The following SLC24A3 variants were observed in gnomAD, a reference collection of about 807,000 sequenced individuals.
SLC24A3 encodes the protein sodium/potassium/calcium exchanger 3.
A neutral mutation model predicts 75.8 loss-of-function variants in SLC24A3; 28 were observed. That is an observed-to-expected ratio of 0.37 (90% confidence interval 0.27 to 0.51). The LOEUF (loss-of-function observed/expected upper bound fraction) is 0.51, where lower values mean the gene tolerates loss of function less well. Among genes scored for constraint, SLC24A3 ranks in the 20% least tolerant of loss-of-function variants. The pLI is 0.94. For synonymous variants in SLC24A3, 372 were observed against 334.1 expected (o/e 1.11, Z -1.24); for missense variants, 663 against 847.8 (o/e 0.78, Z 2.71).
chr20:19,393,192 A>G (rs767949298), intron 2 of SLC24A3, among the ~76,000 whole-genome samples: 1 of 152,218 alleles, frequency 6.6e-6, no homozygotes, highest in Non-Finnish European at 1.5e-5. Flanking sequence ...ACTGATACCC[A>G]TAGCCTGACA....
At position 19,609,528 on chromosome 20, in the gene SLC24A3, G is replaced by A. The variant is rs570128573; in HGVS notation, c.612+23984G>A. 1.4e-3 allele frequency among the ~76,000 whole-genome samples: 211 copies of A among 151,950 alleles called. 1 individual carries two copies. The highest frequency in any genetic ancestry group is 2.2e-3 in the Non-Finnish European group (152 of 67,984). ...ACCTGTCATCTAGGTTTTAAGCCCC[G>A]CATGCATTAGGTATTTGTCCTAATG... On this transcript the variant is annotated intron_variant, in intron 6 of 16. Coordinates refer to ENST00000328041, the MANE Select transcript of SLC24A3 (RefSeq NM_020689.4).
At chr20:19,622,985 A>T (rs566560902) in intron 6 of SLC24A3, among the ~76,000 whole-genome samples, 70 of 152,304 alleles carry the variant, frequency 4.6e-4, no homozygotes, top group South Asian at 3.5e-3. Context: ...CTCACTCATT[A>T]TTGGGGGTGG....
intron 1 of SLC24A3, among the ~76,000 whole-genome samples, chr20:19,238,779 CAAGACACACCG>C (rs1311834476): frequency 1.3e-5 from 2 of 152,188 alleles, no homozygotes; most frequent in Non-Finnish European, 2.9e-5. Flanking sequence ...GATGGCCAGA[CAAGACACACCG>C]AAGACACACC....
rs144816265 is a variant in SLC24A3, at chr20:19,684,214, G to A, written c.940G>A (p.Glu314Lys). 13 of 1,614,044 alleles carry A rather than the reference G, an allele frequency of 8.1e-6. No individual in the cohort carries two copies. The highest frequency in any genetic ancestry group is 1.1e-5 in the South Asian group (1 of 91,066). ...CAAAGCATCAGTGATCATGGTAGACGAGCTGCTGTCAGCCTACCCACACCA... is the reference window on the plus strand; with the variant it reads ...CAAAGCATCAGTGATCATGGTAGACAAGCTGCTGTCAGCCTACCCACACCA... ...HRKASVIMVDELLSAYPHQLS... is the reference protein window; with the variant it reads ...HRKASVIMVDKLLSAYPHQLS... The change falls in exon 11 of 17, where the codon GAG becomes AAG. Residue 314 changes from glutamate to lysine, a missense_variant. Transcript: ENST00000328041.
chr20:19,674,973 C>T (rs2032507191), intron 9 of SLC24A3, among the ~76,000 whole-genome samples: 2 of 152,162 alleles, frequency 1.3e-5, no homozygotes, highest in Non-Finnish European at 2.9e-5. Context: ...TCGCTGGAAC[C>T]CGGGAGGCAG....
Position 19,696,666 on chromosome 20 carries a change from A to G in SLC24A3, c.1492-131A>G, listed in dbSNP as rs1019030538. The G allele has an allele frequency of 9.4e-6, 6 of 640,050 alleles. No homozygotes were observed. In the African/African-American group the frequency reaches 1.1e-4, roughly 11 times the overall value. The allele number at this position is 640,050 out of a possible 1,614,324, so 39.6% of individuals were successfully genotyped here. The stretch of plus-strand genomic sequence containing the variant: ...AGTGTTTGTCACCCTCTGTATTGAT[A>G]CAGAGAGCAGACATTGCACCCCACA... On this transcript the variant is annotated intron_variant, in intron 13 of 16. Transcript: ENST00000328041.
At chr20:19,558,522 A>G (rs1450722196) in intron 3 of SLC24A3, among the ~76,000 whole-genome samples, 1 of 152,154 alleles carries the variant, frequency 6.6e-6, no homozygotes, top group African/African-American at 2.4e-5. Context: ...AAGATCCCAC[A>G]GTGCATTTGG....
intron 1 of SLC24A3, among the ~76,000 whole-genome samples, chr20:19,218,468 C>T (rs531081099): frequency 7.1e-4 from 108 of 152,276 alleles, no homozygotes; most frequent in African/African-American, 2.2e-3. Context: ...GAATAGAAGA[C>T]GGGGAATCAC....
At chr20:19,555,945 T>G (rs1008460995) in intron 3 of SLC24A3, among the ~76,000 whole-genome samples, 2 of 152,112 alleles carry the variant, frequency 1.3e-5, no homozygotes, top group African/African-American at 4.8e-5. Flanking sequence ...CCACAGAAAT[T>G]TATTTCTCAC....
chr20:19,459,226 T>A (rs1987630177), intron 2 of SLC24A3, among the ~76,000 whole-genome samples: 1 of 152,240 alleles, frequency 6.6e-6, no homozygotes, highest in African/African-American at 2.4e-5. Context: ...TAAAGAGATA[T>A]TTAGCATAAC....
At chr20:19,553,959 G>A (rs2030743667) in intron 3 of SLC24A3, among the ~76,000 whole-genome samples, 1 of 152,132 alleles carries the variant, frequency 6.6e-6, no homozygotes, top group Admixed American at 6.5e-5. Context: ...TCAAAAGGAG[G>A]AAAACGATTC....
intron 3 of SLC24A3, among the ~76,000 whole-genome samples, chr20:19,569,253 T>A (rs756279953): frequency 2.6e-5 from 4 of 152,248 alleles, no homozygotes; most frequent in Non-Finnish European, 4.4e-5. Context: ...ATGTTTCCTG[T>A]GTCCTGATGC....
intron 1 of SLC24A3, chr20:19,265,604 CT>C (rs986940529): frequency 6.6e-6 from 1 of 152,098 alleles, no homozygotes; most frequent in African/African-American, 2.4e-5. Flanking sequence ...CTGGCTCAGG[CT>C]AAAAAGGGAA....
At chr20:19,640,352 C>G (rs969353310) in intron 6 of SLC24A3, among the ~76,000 whole-genome samples, 3 of 152,182 alleles carry the variant, frequency 2.0e-5, no homozygotes, top group African/African-American at 7.2e-5. Context: ...ATGCTGACCC[C>G]TGGTGAGGAA....
Position 19,666,908 on chromosome 20 carries a change from C to A in SLC24A3, c.713+1019C>A, listed in dbSNP as rs144618631. On this transcript the variant is annotated intron_variant, in intron 8 of 16. Transcript: ENST00000328041. ...GCATGTTTGAAATGGAAATGGAAAT[C>A]GAGTGTATTGTGCATTCTCGTTACA... Among the ~76,000 whole-genome samples the A allele has an allele frequency of 3.5e-3, 529 of 152,210 alleles. 1 individual carries two copies. The highest frequency in any genetic ancestry group is 0.012 in the African/African-American group (484 of 41,534).
Position 19,515,563 on chromosome 20 carries a change from G to A in SLC24A3, c.347G>A (p.Cys116Tyr), listed in dbSNP as rs1296463212. 1 of 1,613,966 alleles carries A rather than the reference G, an allele frequency of 6.2e-7. No individual in the cohort carries two copies. Among genetic ancestry groups the A allele is most frequent in the South Asian group, 1.1e-5 (1 of 91,078 alleles). ...GGTGCGGTGGTCCTCCATGTGCTCT[G>A]TGTAAGTACCCCTCTGTGCCTCTGC... is the stretch of plus-strand genomic sequence containing the variant. Reference protein sequence around the residue: ...RQGAVVLHVLCAIYMFYALAI... With the variant: ...RQGAVVLHVLYAIYMFYALAI... Residue 116 changes from cysteine to tyrosine, a missense_variant and splice_region_variant, in exon 3 of 17, where the codon TGT (cysteine) becomes TAT (tyrosine). Physicochemically the swap from Cys to Tyr is radical, Grantham distance 194 (BLOSUM62 -2). Coordinates refer to ENST00000328041, the MANE Select transcript of SLC24A3 (RefSeq NM_020689.4).
intron 2 of SLC24A3, among the ~76,000 whole-genome samples, chr20:19,347,964 C>T (rs116589193): frequency 6.6e-6 from 1 of 152,198 alleles, no homozygotes; most frequent in African/African-American, 2.4e-5. Flanking sequence ...CTCTGTGCCT[C>T]GCCCTGCTTC....
At chr20:19,288,013 TA>T (rs1360032806) in intron 2 of SLC24A3, among the ~76,000 whole-genome samples, 4 of 152,238 alleles carry the variant, frequency 2.6e-5, no homozygotes, top group African/African-American at 9.6e-5. Flanking sequence ...TAATAAATTG[TA>T]GCCATATTAT....
intron 7 of SLC24A3, among the ~76,000 whole-genome samples, chr20:19,654,427 G>A (rs775957585): frequency 1.3e-4 from 19 of 151,564 alleles, no homozygotes; most frequent in Non-Finnish European, 2.4e-4. Flanking sequence ...CTTCATTGGC[G>A]TCCCTAGCTT....
Sources: allele counts gnomAD v4.1 joint callset (sites outside exome capture counted in the v4.1 genomes callset), GRCh38; gene constraint gnomAD v4.1.1; transcripts MANE v1.5; gene names NCBI Gene and HGNC (gene_info 2026-07-23, HGNC 2026-07-21).